SRPRA: variants seen among roughly 807,000 people sequenced by gnomAD.
SRPRA encodes signal recognition particle receptor subunit alpha.
Under a neutral mutation model 61.1 loss-of-function variants are expected in SRPRA, and 30 were observed. The observed-to-expected ratio is 0.49, with a 90% CI of 0.37 to 0.67. The LOEUF (loss-of-function observed/expected upper bound fraction) is 0.67. Among genes scored for constraint, SRPRA ranks in the 30% least tolerant of loss-of-function variants. SRPRA has a pLI of 0.00. For synonymous variants in SRPRA, 324 were observed against 299.7 expected (o/e 1.08, Z -0.84); for missense variants, 759 against 828.4 (o/e 0.92, Z 1.03).
At chr11:126,256,941 C>A in the SRPRA span, 1 of 1,341,954 alleles carries the variant, frequency 7.5e-7, no homozygotes, top group Non-Finnish European at 1.0e-6. This position sits in a 1 kb window ranked among gnomAD's most constrained non-coding sequence, Gnocchi z 6.6. Context: ...AAAATAGTTG[C>A]CAAGATGAGG....
Position 126,265,387 on chromosome 11 carries a change from G to C in SRPRA, c.1192C>G (p.Gln398Glu). 1.2e-6 allele frequency: 2 copies of C among 1,613,992 alleles called. No individual in the cohort carries two copies. Among genetic ancestry groups the C allele is most frequent in the Non-Finnish European group, 1.7e-6 (2 of 1,180,024 alleles). ...AGCATGTCTACACGACGCTGTGGCT[G>C]CAGAATCTGCACCAGGGACTCCTGT... ...ALQESLVQIL[Q>E]PQRRVDMLRD... Residue 398 changes from glutamine (Q) to glutamate (E), a missense_variant, in exon 10 of 14, where the codon CAG (glutamine) becomes GAG (glutamate). Gln to Glu is a conservative substitution (Grantham distance 29, BLOSUM62 2). Transcript: ENST00000332118. The surrounding 1 kb of genome is among the most constrained non-coding windows in gnomAD (Gnocchi z 6.3).
chr11:126,267,832 G>T lies in SRPRA; in HGVS notation c.202-120C>A. On this transcript the variant is annotated intron_variant, in intron 2 of 13. Coordinates refer to ENST00000332118, the MANE Select transcript of SRPRA (RefSeq NM_003139.4). The surrounding 1 kb of genome is among the most constrained non-coding windows in gnomAD (Gnocchi z 4.2). ...GCTACCTGGCCGGTTTCCCTGTCCT[G>T]AGAGGCAGCCAAGCTCCCTGCCTGG... 1 of 1,468,764 alleles carries T rather than the reference G, an allele frequency of 6.8e-7. No individual in the cohort carries two copies. Among genetic ancestry groups the T allele is most frequent in the Non-Finnish European group, 9.3e-7 (1 of 1,072,078 alleles). 91.0% of individuals were successfully genotyped at this position (1,468,764 alleles called of 1,614,324 possible).
At chr11:126,249,878 G>A in the SRPRA span, among the ~76,000 whole-genome samples, 1 of 151,950 alleles carries the variant, frequency 6.6e-6, no homozygotes, top group African/African-American at 2.4e-5. Context: ...GGTAGTTGTC[G>A]CTCTGCTTTG....
At position 126,265,172 on chromosome 11, in the gene SRPRA, T is replaced by C; in HGVS notation, c.1312A>G (p.Ile438Val). 6.2e-7 allele frequency: 1 copy of C among 1,614,020 alleles called. No homozygotes were observed. The highest frequency in any genetic ancestry group is 8.5e-7 in the Non-Finnish European group (1 of 1,179,996). ...GVGKSTNLAK[I>V]SFWLLENGFS... ...CCATTCTCTAACAACCAGAAGGAAATCTGTGAAAAAGACGTAAGAAAAGTC... is the reference window on the plus strand; with the variant it reads ...CCATTCTCTAACAACCAGAAGGAAACCTGTGAAAAAGACGTAAGAAAAGTC... Residue 438 changes from isoleucine (I) to valine (V), a missense_variant and splice_region_variant, in exon 11 of 14, where the codon ATT (isoleucine) becomes GTT (valine). By Grantham distance (29) the Ile-to-Val change is conservative (BLOSUM62 3). Coordinates refer to ENST00000332118, the MANE Select transcript of SRPRA (RefSeq NM_003139.4). The surrounding 1 kb of genome is among the most constrained non-coding windows in gnomAD (Gnocchi z 6.3).
chr11:126,240,996 C>T, the SRPRA span: 1 of 1,613,662 alleles, frequency 6.2e-7, no homozygotes, highest in Non-Finnish European at 8.5e-7. Context: ...TCCATGAAGA[C>T]AAGAACCTGG....
At chr11:126,256,954 T>C in the SRPRA span, 1 of 1,238,560 alleles carries the variant, frequency 8.1e-7, no homozygotes, top group East Asian at 2.3e-5. This position sits in a 1 kb window ranked among gnomAD's most constrained non-coding sequence, Gnocchi z 6.6. Flanking sequence ...AGATGAGGAA[T>C]GTAATGACTG....
At chr11:126,246,007 AAAAG>A in the SRPRA span, among the ~76,000 whole-genome samples, 131 of 152,008 alleles carry the variant, frequency 8.6e-4, no homozygotes, top group South Asian at 1.4e-3. Context: ...AAAAAAAAAA[AAAAG>A]AAAGAAAGAA....
At chr11:126,245,991 C>T in the SRPRA span, among the ~76,000 whole-genome samples, 5 of 144,830 alleles carry the variant, frequency 3.5e-5, no homozygotes, top group Admixed American at 2.1e-4. Context: ...TACGAGACTC[C>T]GTCCCAAAAA....
At chr11:126,243,435 G>T in the SRPRA span, among the ~76,000 whole-genome samples, 2 of 151,206 alleles carry the variant, frequency 1.3e-5, no homozygotes, top group African/African-American at 4.9e-5. Flanking sequence ...CTGCACTGCA[G>T]TCTCGGTGAC....
At chr11:126,261,485 G>T (rs1388419291), downstream of SRPRA, 1 of 1,610,230 alleles carries the variant, frequency 6.2e-7, no homozygotes. Flanking sequence ...GAAATAAGAG[G>T]TATACTGTTT....
At chr11:126,261,587 A>G, downstream of SRPRA, 1 of 856,762 alleles carries the variant, frequency 1.2e-6, no homozygotes, top group South Asian at 1.5e-5. Context: ...TCACATTGCC[A>G]AATTTTAAAA....
the SRPRA span, among the ~76,000 whole-genome samples, chr11:126,247,177 A>G: frequency 1.3e-5 from 2 of 152,134 alleles, no homozygotes; most frequent in Non-Finnish European, 2.9e-5. Flanking sequence ...CTGTAGTCCT[A>G]GCCACTTGGG....
the SRPRA span, chr11:126,254,301 G>C: frequency 6.2e-7 from 1 of 1,613,602 alleles, no homozygotes. Context: ...TGTGTGTTGT[G>C]CAGGTCCTCG....
At chr11:126,256,534 A>C in the SRPRA span, 2 of 1,601,832 alleles carry the variant, frequency 1.2e-6, no homozygotes, top group East Asian at 4.5e-5. This position sits in a 1 kb window ranked among gnomAD's most constrained non-coding sequence, Gnocchi z 6.6. Flanking sequence ...GTGTGTCTTC[A>C]CAATGTCAAT....
At chr11:126,266,708 C>T (rs1950815833) in intron 5 of SRPRA, 55 bp downstream of exon 5, 5 of 1,609,302 alleles carry the variant, frequency 3.1e-6, no homozygotes, top group South Asian at 2.2e-5. Context: ...AACTCCCTTG[C>T]ACCCATTGTG....
the SRPRA span, among the ~76,000 whole-genome samples, chr11:126,250,312 C>T: frequency 1.3e-5 from 2 of 152,140 alleles, no homozygotes; most frequent in African/African-American, 4.8e-5. The surrounding 1 kb of genome is among the most constrained non-coding windows in gnomAD (Gnocchi z 5.1). Flanking sequence ...AGGATGGTCT[C>T]GATCTCCTGA....
In SRPRA at chr11:126,267,152, A is replaced by C; in HGVS notation, c.526+23T>G. 1.2e-6 allele frequency: 2 copies of C among 1,613,680 alleles called. No homozygotes were observed. Among genetic ancestry groups the C allele is most frequent in the Non-Finnish European group, 1.7e-6 (2 of 1,179,950 alleles). On this transcript the variant is annotated intron_variant, in intron 4 of 13. Coordinates refer to ENST00000332118, the MANE Select transcript of SRPRA (RefSeq NM_003139.4). The surrounding 1 kb of genome is among the most constrained non-coding windows in gnomAD (Gnocchi z 4.2). ...GTGTTAACACCTTTCATGTCCCAGT[A>C]TATCCAAAGAACTCAAACTTGCCTT...
the SRPRA span, among the ~76,000 whole-genome samples, chr11:126,251,210 A>G: frequency 1.3e-5 from 2 of 152,238 alleles, no homozygotes; most frequent in Non-Finnish European, 2.9e-5. Flanking sequence ...AGCATAGTCT[A>G]TACTGTACCT....
the SRPRA span, among the ~76,000 whole-genome samples, chr11:126,244,240 C>T: frequency 6.6e-6 from 1 of 152,104 alleles, no homozygotes; most frequent in African/African-American, 2.4e-5. The surrounding 1 kb of genome is among the most constrained non-coding windows in gnomAD (Gnocchi z 4.5). Flanking sequence ...ATGTTCTAGA[C>T]CGGGCAGTTA....
Sources: gnomAD v4.1 joint callset for allele counts (sites outside exome capture counted in the v4.1 genomes callset) on GRCh38, gnomAD v4.1.1 for gene constraint, Gnocchi (gnomAD v3.1) non-coding constraint, MANE v1.5 for transcripts, NCBI Gene and HGNC (gene_info 2026-07-23, HGNC 2026-07-21) for gene names.